The following ZBTB8OS variants were observed in gnomAD, a reference collection of about 807,000 sequenced individuals.
ZBTB8OS encodes tRNA-splicing ligase-activating factor archease.
ZBTB8OS carries 16 observed loss-of-function variants against 29.3 expected under a neutral mutation model. The ratio of observed to expected loss-of-function variants is 0.55; its 90% CI spans 0.37 to 0.83. The LOEUF (loss-of-function observed/expected upper bound fraction) is 0.83, where lower values mean the gene tolerates loss of function less well. Ranked by LOEUF, ZBTB8OS falls within the 40% of genes least tolerant of loss-of-function variation. ZBTB8OS has a pLI of 0.00. For synonymous variants in ZBTB8OS, 70 were observed against 64.6 expected, an observed-to-expected ratio of 1.08 and a Z score of -0.40; for missense variants, 160 against 196.9, an observed-to-expected ratio of 0.81 and a Z score of 1.12.
At chr1:32,635,515 G>A (rs910754797) in intron 1 of ZBTB8OS, among the ~76,000 whole-genome samples, 9 of 151,932 alleles carry the variant, frequency 5.9e-5, no homozygotes, top group Non-Finnish European at 1.0e-4. Flanking sequence ...CAGGTGATCC[G>A]CCCACCTAGG....
At chr1:32,641,842 A>G (rs61798931) in intron 1 of ZBTB8OS, among the ~76,000 whole-genome samples, 16,687 of 151,678 alleles carry the variant, frequency 0.11, 1,013 homozygotes, top group African/African-American at 0.13. Context: ...AATGGCGTGA[A>G]CCCGGGAGAC....
At chr1:32,648,113 G>A (rs80150647) in intron 1 of ZBTB8OS, among the ~76,000 whole-genome samples, 5,877 of 151,790 alleles carry the variant, frequency 0.039, 232 homozygotes, top group East Asian at 0.12. Context: ...AATACAAATA[G>A]CTTCCAAAAC....
At chr1:32,637,499 C>T (rs1337400088) in intron 1 of ZBTB8OS, among the ~76,000 whole-genome samples, 1 of 151,144 alleles carries the variant, frequency 6.6e-6, no homozygotes, top group African/African-American at 2.4e-5. Flanking sequence ...ACCCTGGAGG[C>T]GGAGGTTGCA....
At chr1:32,650,794 A>C, upstream of ZBTB8OS, 1 of 563,858 alleles carries the variant, frequency 1.8e-6, no homozygotes, top group Non-Finnish European at 3.1e-6. Flanking sequence ...CCTTGAATGA[A>C]ACCCGTCTGG....
chr1:32,627,200 T>C (rs988997371), intron 6 of ZBTB8OS, among the ~76,000 whole-genome samples: 3 of 152,230 alleles, frequency 2.0e-5, no homozygotes, highest in South Asian at 2.1e-4. Flanking sequence ...GAAGGCACAA[T>C]AGAGAACATC....
intron 6 of ZBTB8OS, among the ~76,000 whole-genome samples, chr1:32,626,226 A>G (rs1461379773): frequency 2.6e-5 from 4 of 152,194 alleles, no homozygotes; most frequent in Non-Finnish European, 5.9e-5. Flanking sequence ...ATATAAATAC[A>G]CAAATATTTA....
chr1:32,648,191 G>C (rs1021652132), intron 1 of ZBTB8OS, among the ~76,000 whole-genome samples: 1 of 152,142 alleles, frequency 6.6e-6, no homozygotes, highest in Non-Finnish European at 1.5e-5. Flanking sequence ...AATTAGAAAA[G>C]ATAAAAAAGT....
At chr1:32,644,623 C>T (rs1054743564) in intron 1 of ZBTB8OS, among the ~76,000 whole-genome samples, 3 of 149,246 alleles carry the variant, frequency 2.0e-5, no homozygotes, top group Non-Finnish European at 3.0e-5. Context: ...ACCTTGAACG[C>T]CTGAGCTCAA....
At chr1:32,650,354 G>A (rs1469875173) in intron 1 of ZBTB8OS, 79 bp downstream of exon 1, 1 of 1,574,512 alleles carries the variant, frequency 6.4e-7, no homozygotes, top group Non-Finnish European at 8.7e-7. Flanking sequence ...ACAGTAGAAA[G>A]AGCAGCAGGA....
intron 1 of ZBTB8OS, among the ~76,000 whole-genome samples, chr1:32,639,511 G>A (rs1168013611): frequency 6.6e-6 from 1 of 152,100 alleles, no homozygotes; most frequent in Non-Finnish European, 1.5e-5. Context: ...TGTAACCCCA[G>A]CAACTGAAGA....
chr1:32,638,400 C>T (rs373969120), intron 1 of ZBTB8OS, among the ~76,000 whole-genome samples: 89 of 151,836 alleles, frequency 5.9e-4, no homozygotes, highest in African/African-American at 2.0e-3. Flanking sequence ...ACCATGTTGG[C>T]CAGGATGGTC....
At chr1:32,626,304 CA>C (rs1645130105) in intron 6 of ZBTB8OS, among the ~76,000 whole-genome samples, 1 of 152,086 alleles carries the variant, frequency 6.6e-6, no homozygotes, top group African/African-American at 2.4e-5. Context: ...AGCCTAGGAG[CA>C]ATAGGCTATA....
At chr1:32,639,804 C>A (rs1432348386) in intron 1 of ZBTB8OS, 1 of 152,032 alleles carries the variant, frequency 6.6e-6, no homozygotes, top group Non-Finnish European at 1.5e-5. Flanking sequence ...TTAGTGAAGA[C>A]TGGCACTGTT....
At chr1:32,646,525 C>G (rs1646845729) in intron 1 of ZBTB8OS, among the ~76,000 whole-genome samples, 1 of 151,322 alleles carries the variant, frequency 6.6e-6, no homozygotes, top group African/African-American at 2.4e-5. Flanking sequence ...GTAGCTGGGA[C>G]TACAGGCGCC....
chr1:32,631,972 C>A, intron 4 of ZBTB8OS, 93 bp from the exon 5 acceptor site: 13 of 242,222 alleles, frequency 5.4e-5, no homozygotes, highest in East Asian at 2.2e-4. Context: ...TTTGGACCAT[C>A]TACTAAAAAT....
At position 32,627,755 on chromosome 1, in the gene ZBTB8OS, G is replaced by A. The variant is rs976192424; in HGVS notation, c.381-211C>T. On this transcript the variant is annotated intron_variant, in intron 5 of 6. Coordinates refer to ENST00000468695, the MANE Select transcript of ZBTB8OS (RefSeq NM_178547.5). Reference sequence around the variant, plus strand: ...ATTTGCTCTCAAGGTTGATAGTTAAGGCCAGGTGCGGTGGCTCATACCTAT... The same window carrying A: ...ATTTGCTCTCAAGGTTGATAGTTAAAGCCAGGTGCGGTGGCTCATACCTAT... The A allele has an allele frequency of 2.6e-5, 15 of 568,944 alleles. No individual in the cohort carries two copies. In the Admixed American group the frequency reaches 3.2e-4, roughly 12 times the overall value. 35.2% of individuals were successfully genotyped at this position (568,944 alleles called of 1,614,324 possible). A position where few individuals can be genotyped will look rare whatever the true frequency, so the allele number is the denominator to read the frequency against.
At chr1:32,641,976 A>G (rs2148437547) in intron 1 of ZBTB8OS, among the ~76,000 whole-genome samples, 1 of 152,266 alleles carries the variant, frequency 6.6e-6, no homozygotes, top group African/African-American at 2.4e-5. Context: ...CAATTTTGTT[A>G]CATAGAATAT....
chr1:32,640,746 C>T (rs1199959034), intron 1 of ZBTB8OS, among the ~76,000 whole-genome samples: 2 of 151,994 alleles, frequency 1.3e-5, no homozygotes, highest in African/African-American at 4.8e-5. Context: ...TGGGCTCAAG[C>T]CATCTGTCCC....
chr1:32,627,624 ACATG>A (rs1645216220), intron 5 of ZBTB8OS, 80 bp from the exon 6 acceptor site: 2 of 1,411,862 alleles, frequency 1.4e-6, no homozygotes, highest in Non-Finnish European at 2.0e-6. Context: ...AATGTGGTTA[ACATG>A]CTAGAAAGCC....
Sources: allele counts gnomAD v4.1 joint callset (sites outside exome capture counted in the v4.1 genomes callset), GRCh38; gene constraint gnomAD v4.1.1; transcripts MANE v1.5; gene names NCBI Gene and HGNC (gene_info 2026-07-23, HGNC 2026-07-21).